The following F11R variants were observed in gnomAD, a reference collection of about 807,000 sequenced individuals.
F11R encodes F11 receptor, also known as junctional adhesion molecule A.
In F11R, 27 loss-of-function variants were observed where a neutral mutation model predicts 39.3. That is an observed-to-expected ratio of 0.69 (90% CI 0.51 to 0.95). The LOEUF is 0.95. Among genes scored for constraint, F11R ranks in the 40% least tolerant of loss-of-function variants. The probability of loss-of-function intolerance (pLI) is 0.00; values close to 1 mark genes in which losing one functional copy is unlikely to be tolerated. For synonymous variants in F11R, 131 were observed against 144.9 expected (o/e 0.90, Z 0.69); for missense variants, 335 against 372.7 (o/e 0.90, Z 0.83).
Position 161,006,752 on chromosome 1 carries a change from T to A in F11R, c.65-5399A>T, listed in dbSNP as rs116410891. ...TTGTGATTGCCTATCACATCATGAG[T>A]CAAGGCCAGCCTTATCACCATGTCC... is the stretch of plus-strand genomic sequence containing the variant. On this transcript the variant is annotated intron_variant, in intron 1 of 9. Transcript: ENST00000368026. Among the ~76,000 whole-genome samples the A allele has an allele frequency of 4.9e-3, 749 of 152,232 alleles. 3 individuals carry two copies. Among genetic ancestry groups the A allele is most frequent in the Non-Finnish European group, 7.3e-3 (497 of 68,004 alleles).
At chr1:161,000,082 T>A (rs1327869940) in intron 5 of F11R, 64 bp downstream of exon 5, 1 of 1,603,256 alleles carries the variant, frequency 6.2e-7, no homozygotes, top group Non-Finnish European at 8.5e-7. Context: ...CTGTTCTTCC[T>A]CCCACCTTTT....
chr1:161,014,405 T>A (rs1392496246), intron 1 of F11R, among the ~76,000 whole-genome samples: 2 of 152,076 alleles, frequency 1.3e-5, no homozygotes, highest in Non-Finnish European at 2.9e-5. Context: ...AAGGCCACAA[T>A]CCCTAGAAAC....
Position 160,998,787 on chromosome 1 carries a change from T to C in F11R, c.*84A>G. 1 of 1,382,240 alleles carries C rather than the reference T, an allele frequency of 7.2e-7. No individual in the cohort carries two copies. 85.6% of individuals were successfully genotyped at this position (1,382,240 alleles called of 1,614,324 possible). On this transcript the variant is annotated 3_prime_UTR_variant, in exon 10 of 10. Coordinates refer to ENST00000368026, the MANE Select transcript of F11R (RefSeq NM_016946.6). ...GGTGTAGAAGACAAATAAGGCATCC[T>C]GTGAAACTACAGACATCAGGGGCCA...
chr1:161,015,278 G>T (rs556732532), intron 1 of F11R, among the ~76,000 whole-genome samples: 41 of 149,376 alleles, frequency 2.7e-4, no homozygotes, highest in African/African-American at 9.1e-4. Context: ...GGCCCCTGTA[G>T]TCCCAGCTAC....
In F11R at chr1:160,997,798, A is replaced by G. The variant is rs1648216617; in HGVS notation, c.*1073T>C. 6.5e-6 allele frequency: 1 copy of G among 153,004 alleles called. No individual in the cohort carries two copies. The highest frequency in any genetic ancestry group is 1.5e-5 in the Non-Finnish European group (1 of 68,092). The allele number at this position is 153,004 out of a possible 1,614,324, so 9.5% of individuals were successfully genotyped here. On this transcript the variant is annotated 3_prime_UTR_variant, in exon 10 of 10. Coordinates refer to ENST00000368026, the MANE Select transcript of F11R (RefSeq NM_016946.6). ...TAAGAAGCCCTCCAACACACGCCCA[A>G]TTTCAGCATACAGCTAAGACTACAC...
At position 161,000,713 on chromosome 1, in the gene F11R, T is replaced by G; in HGVS notation, c.306A>C (p.Glu102Asp). ...TGITFKSVTREDTGTYTCMVS... is the reference protein window; with the variant it reads ...TGITFKSVTRDDTGTYTCMVS... ...CCATACAAGTGTATGTCCCAGTGTC[T>G]TCCCGTGTCACGGACTTGAAGGTGA... The change falls in exon 4 of 10, where the codon GAA becomes GAC. Residue 102 changes from glutamate (E) to aspartate (D), a missense_variant. Glu to Asp is a conservative substitution (Grantham distance 45). Transcript: ENST00000368026. 1 of 1,614,146 alleles carries G rather than the reference T, an allele frequency of 6.2e-7. No individual in the cohort carries two copies. Among genetic ancestry groups the G allele is most frequent in the Non-Finnish European group, 8.5e-7 (1 of 1,180,024 alleles).
chr1:161,015,232 T>TA (rs903658225), intron 1 of F11R, among the ~76,000 whole-genome samples: 23 of 146,230 alleles, frequency 1.6e-4, no homozygotes, highest in African/African-American at 4.5e-4. Flanking sequence ...CCGTCTCTAC[T>TA]AAAAAAAATA....
intron 1 of F11R, among the ~76,000 whole-genome samples, chr1:161,017,623 G>A (rs926850416): frequency 6.6e-5 from 10 of 152,260 alleles, no homozygotes; most frequent in Middle Eastern, 3.4e-3. Context: ...AAACACCCAC[G>A]AATGATCAAT....
rs1648114294 is a variant in F11R, at chr1:160,996,294, A to C, written c.*2577T>G. On this transcript the variant is annotated 3_prime_UTR_variant, in exon 10 of 10. Coordinates refer to ENST00000368026, the MANE Select transcript of F11R (RefSeq NM_016946.6). ...GTTCAAAAGGTCCATTGTAAGCTAG[A>C]GAAGTAAATTCCAAGGCTGGCAATA... 1 of 152,386 alleles carries C rather than the reference A, an allele frequency of 6.6e-6. No homozygotes were observed. Among genetic ancestry groups the C allele is most frequent in the Non-Finnish European group, 1.5e-5 (1 of 68,042 alleles). The allele number at this position is 152,386 out of a possible 1,614,324, so 9.4% of individuals were successfully genotyped here. A position where few individuals can be genotyped will look rare whatever the true frequency, so the allele number is the denominator to read the frequency against.
chr1:160,999,080 T>C lies in F11R; in HGVS notation c.827A>G (p.Lys276Arg), dbSNP rs926264385. Reference sequence around the variant, plus strand: ...ACTAGGCTGGCTGTAAATCACCTTCTTACTCGAAGTCCTGTGAACAAGCCA... The same window carrying C: ...ACTAGGCTGGCTGTAAATCACCTTCCTACTCGAAGTCCTGTGAACAAGCCA... ...FDRTKKGTSS[K>R]KVIYSQPSAR... The change falls in exon 9 of 10, where the codon AAG becomes AGG. Residue 276 changes from lysine to arginine, a missense_variant. Lys to Arg is a conservative substitution (Grantham distance 26). Transcript: ENST00000368026. 3 of 1,614,210 alleles carry C rather than the reference T, an allele frequency of 1.9e-6. No homozygotes were observed. The highest frequency in any genetic ancestry group is 3.3e-5 in the Admixed American group (2 of 60,018).
Position 161,021,134 on chromosome 1 carries a change from C to A in F11R, c.-61G>T, listed in dbSNP as rs1338001310. ...ACTCCTGGGAACAGACACAGCTCCG[C>A]GACTACAGCGAGGGGACTGAGAGCC... On this transcript the variant is annotated 5_prime_UTR_variant, in exon 1 of 10. Coordinates refer to ENST00000368026, the MANE Select transcript of F11R (RefSeq NM_016946.6). 3 of 1,489,508 alleles carry A rather than the reference C, an allele frequency of 2.0e-6. No individual in the cohort carries two copies. The African/African-American group carries it at 4.2e-5, about 21-fold the overall frequency. The allele number at this position is 1,489,508 out of a possible 1,614,324, so 92.3% of individuals were successfully genotyped here. A position where few individuals can be genotyped will look rare whatever the true frequency, so the allele number is the denominator to read the frequency against.
intron 1 of F11R, among the ~76,000 whole-genome samples, chr1:161,017,806 A>G (rs1227073155): frequency 1.3e-5 from 2 of 152,122 alleles, no homozygotes; most frequent in Non-Finnish European, 2.9e-5. Context: ...ACACCTTCAC[A>G]CCAGTCTACG....
intron 1 of F11R, among the ~76,000 whole-genome samples, chr1:161,007,280 A>G (rs1043355900): frequency 9.9e-5 from 15 of 152,030 alleles, no homozygotes; most frequent in African/African-American, 3.6e-4. Flanking sequence ...AGCTTGACCA[A>G]CATGGAGAAA....
rs746183098 is a variant in F11R, at chr1:160,999,945, C to T, written c.625G>A (p.Glu209Lys). The change falls in exon 6 of 10, where the codon GAA (glutamate) becomes AAA (lysine). Residue 209 changes from glutamate to lysine, a missense_variant. By Grantham distance (56) the Glu-to-Lys change is moderately conservative. Coordinates refer to ENST00000368026, the MANE Select transcript of F11R (RefSeq NM_016946.6). Reference sequence around the variant, plus strand: ...CCATTCCGTGCCTCACAGCTGTATTCTCCAGTATCAGAGGCTGACAGGGGA... The same window carrying T: ...CCATTCCGTGCCTCACAGCTGTATTTTCCAGTATCAGAGGCTGACAGGGGA... ...FDPLSASDTG[E>K]YSCEARNGYG... 2 of 1,614,186 alleles carry T rather than the reference C, an allele frequency of 1.2e-6. No individual in the cohort carries two copies.
intron 1 of F11R, among the ~76,000 whole-genome samples, chr1:161,011,716 C>A (rs1011399184): frequency 1.4e-5 from 2 of 142,938 alleles, no homozygotes; most frequent in African/African-American, 2.6e-5. Flanking sequence ...GGTGACAGAG[C>A]GAGATTCCAC....
At position 161,000,701 on chromosome 1, in the gene F11R, T is replaced by C. The variant is rs761255023; in HGVS notation, c.318A>G (p.Thr106=). The C allele has an allele frequency of 9.3e-6, 15 of 1,614,160 alleles. No individual in the cohort carries two copies. In the Admixed American group the frequency reaches 2.0e-4, roughly 22 times the overall value. Residue 106 remains threonine, a synonymous_variant, in exon 4 of 10, where the codon ACA becomes ACG. Transcript: ENST00000368026. The part of the protein sequence containing the change: ...FKSVTREDTG[T]YTCMVSEEGG... Reference sequence around the variant, plus strand: ...CTTCCTCAGAGACCATACAAGTGTATGTCCCAGTGTCTTCCCGTGTCACGG... The same window carrying C: ...CTTCCTCAGAGACCATACAAGTGTACGTCCCAGTGTCTTCCCGTGTCACGG...
At position 160,999,765 on chromosome 1, in the gene F11R, GA is replaced by G. The variant is rs2101967087; in HGVS notation, c.695-19del. ...CCGCTCCACTGCGAGACACAAATAAGAAGTCAGGCACGGGGATACTCACTCA... is the reference window on the plus strand; with the variant it reads ...CCGCTCCACTGCGAGACACAAATAAGAGTCAGGCACGGGGATACTCACTCA... On this transcript the variant is annotated intron_variant, in intron 6 of 9. Transcript: ENST00000368026. 1 of 1,613,332 alleles carries G rather than the reference GA, an allele frequency of 6.2e-7. No individual in the cohort carries two copies. Among genetic ancestry groups the G allele is most frequent in the East Asian group, 2.2e-5 (1 of 44,880 alleles).
Position 160,998,758 on chromosome 1 carries a change from G to C in F11R, c.*113C>G. On this transcript the variant is annotated 3_prime_UTR_variant, in exon 10 of 10. Transcript: ENST00000368026. ...CACATCCGAAGAAGTAGGGGGCCCT[G>C]TGGGGTGTAGAAGACAAATAAGGCA... 1 of 1,014,322 alleles carries C rather than the reference G, an allele frequency of 9.9e-7. No homozygotes were observed. The highest frequency in any genetic ancestry group is 1.5e-6 in the Non-Finnish European group (1 of 648,926). 62.8% of individuals were successfully genotyped at this position (1,014,322 alleles called of 1,614,324 possible).
chr1:161,003,216 C>A (rs12743772), intron 1 of F11R, among the ~76,000 whole-genome samples: 2 of 150,642 alleles, frequency 1.3e-5, no homozygotes, highest in East Asian at 3.9e-4. Context: ...CTCCACCTTC[C>A]GGGTTCAAGG....
Sources: allele counts gnomAD v4.1 joint callset (sites outside exome capture counted in the v4.1 genomes callset), GRCh38; gene constraint gnomAD v4.1.1; transcripts MANE v1.5; gene names NCBI Gene and HGNC (gene_info 2026-07-23, HGNC 2026-07-21).